ABCC10: variants seen among roughly 807,000 people sequenced by gnomAD.
The protein encoded by ABCC10 is ATP binding cassette subfamily C member 10, also known as ATP-binding cassette sub-family C member 10.
ABCC10 carries 110 observed loss-of-function variants against 143.2 expected under a neutral mutation model. The observed-to-expected ratio is 0.77, with a 90% CI of 0.66 to 0.90. The LOEUF (loss-of-function observed/expected upper bound fraction) is 0.90. Ranked by LOEUF, ABCC10 falls within the 40% of genes least tolerant of loss-of-function variation. The pLI is 0.00. For synonymous variants in ABCC10, 805 were observed against 846.7 expected (o/e 0.95, Z 0.85); for missense variants, 1,700 against 1,900.5 (o/e 0.89, Z 1.96).
At chr6:43,431,606 C>G (rs1030731827) in intron 2 of ABCC10, 2 of 171,196 alleles carry the variant, frequency 1.2e-5, no homozygotes, top group African/African-American at 4.8e-5. Flanking sequence ...AGGCGATCCT[C>G]CCGTCTCAGC....
intron 6 of ABCC10, among the ~76,000 whole-genome samples, chr6:43,437,379 CT>C (rs61260609): frequency 0.88 from 119,077 of 135,486 alleles, 52,138 homozygotes; most frequent in East Asian, 0.95. Context: ...GGAACTAGGA[CT>C]TTTTTTTTTT....
In ABCC10 at chr6:43,432,163, C is replaced by T. The variant is rs749514786; in HGVS notation, c.183C>T (p.Pro61=). The change falls in exon 3 of 22, where the codon CCC becomes CCT. Residue 61 remains proline (P), a synonymous_variant. Transcript: ENST00000372530. ...CCAGGAGTCCAGATTACATCCTACCCTGCAGTCCTGGATGGCGCCTCCGAC... is the reference window on the plus strand; with the variant it reads ...CCAGGAGTCCAGATTACATCCTACCTTGCAGTCCTGGATGGCGCCTCCGAC... The part of the protein sequence containing the change: ...GTPRSPDYIL[P]CSPGWRLRLA... 1 of 1,614,228 alleles carries T rather than the reference C, an allele frequency of 6.2e-7. No individual in the cohort carries two copies. The highest frequency in any genetic ancestry group is 8.5e-7 in the Non-Finnish European group (1 of 1,180,036).
rs756035589 is a variant in ABCC10 at position 43,442,953 on chromosome 6, C to A, written c.2227-17C>A. 4 of 1,553,750 alleles carry A rather than the reference C, an allele frequency of 2.6e-6. No homozygotes were observed. Among genetic ancestry groups the A allele is most frequent in the Non-Finnish European group, 3.5e-6 (4 of 1,149,922 alleles). On this transcript the variant is annotated splice_polypyrimidine_tract_variant and intron_variant, in intron 9 of 21. Transcript: ENST00000372530. ...CCTTTGGGTCCTGGTGCCCACGGTA[C>A]CCTCACGTCTCCATAGGAAAAGGAG...
Position 43,433,263 on chromosome 6 carries a change from T to C in ABCC10, c.1283T>C (p.Ile428Thr). The C allele has an allele frequency of 6.2e-7, 1 of 1,614,184 alleles. No homozygotes were observed. Among genetic ancestry groups the C allele is most frequent in the Admixed American group, 1.7e-5 (1 of 60,034 alleles). Residue 428 changes from isoleucine to threonine, a missense_variant, in exon 3 of 22, where the codon ATC (isoleucine) becomes ACC (threonine). Transcript: ENST00000372530. ...GGCGTGGCCTTCGTGGGTGGTCTCA[T>C]CTTGGCACTGCTGCTGGTACCCGTC... ...QVGVAFVGGL[I>T]LALLLVPVNK...
At chr6:43,439,742 C>T (rs1233069442) in intron 8 of ABCC10, among the ~76,000 whole-genome samples, 1 of 152,010 alleles carries the variant, frequency 6.6e-6, no homozygotes, top group Non-Finnish European at 1.5e-5. Context: ...TGCCACCATG[C>T]CCAGCTAATT....
At chr6:43,448,752 C>G (rs1357779496) in intron 18 of ABCC10, 129 bp from the exon 19 acceptor site, 2 of 1,143,060 alleles carry the variant, frequency 1.7e-6, no homozygotes, top group African/African-American at 3.1e-5. Context: ...GGGTGGGGAG[C>G]AGAGTGGGGT....
chr6:43,446,401 G>T lies in ABCC10; in HGVS notation c.3499G>T (p.Ala1167Ser). 11 of 1,612,672 alleles carry T rather than the reference G, an allele frequency of 6.8e-6. No homozygotes were observed. The highest frequency in any genetic ancestry group is 9.3e-6 in the Non-Finnish European group (11 of 1,179,860). Reference sequence around the variant, plus strand: ...GGGGGCGGCAGTGGTCAGCGCTATCGCAGGCATCGCTCTGGTGCAGCACCA... The same window carrying T: ...GGGGGCGGCAGTGGTCAGCGCTATCTCAGGCATCGCTCTGGTGCAGCACCA... ...LMGAAVVSAI[A>S]GIALVQHQQG... Residue 1167 changes from alanine to serine, a missense_variant, in exon 16 of 22, where the codon GCA becomes TCA. Ala to Ser is a moderately conservative substitution (Grantham distance 99, BLOSUM62 1). Transcript: ENST00000372530.
chr6:43,446,222 C>T, intron 15 of ABCC10, 55 bp from the exon 16 acceptor site: 1 of 1,575,042 alleles, frequency 6.3e-7, no homozygotes, highest in South Asian at 1.2e-5. Flanking sequence ...GGCCCTGAGG[C>T]TGGGTGGCTC....
At chr6:43,437,686 T>A (rs1027845296) in intron 6 of ABCC10, among the ~76,000 whole-genome samples, 1 of 152,090 alleles carries the variant, frequency 6.6e-6, no homozygotes, top group African/African-American at 2.4e-5. Flanking sequence ...CTGCTCCCCT[T>A]CAGAGGCCCT....
In ABCC10 at chr6:43,443,278, C is replaced by T. The variant is rs1237299311; in HGVS notation, c.2416+119C>T. ...CCCTGAGCCAGTCATTGCTGCCTCC[C>T]GCCTTCACAGAACTGGTGTGAGGAA... On this transcript the variant is annotated intron_variant, in intron 10 of 21. Transcript: ENST00000372530. This position sits in a 1 kb window ranked among gnomAD's most constrained non-coding sequence, Gnocchi z 4.2. 9.4e-6 allele frequency: 10 copies of T among 1,061,114 alleles called. No homozygotes were observed. Among genetic ancestry groups the T allele is most frequent in the Non-Finnish European group, 1.3e-5 (10 of 770,626 alleles). The allele number at this position is 1,061,114 out of a possible 1,614,324, so 65.7% of individuals were successfully genotyped here.
intron 17 of ABCC10, 35 bp downstream of exon 17, chr6:43,447,443 G>A: frequency 6.2e-7 from 1 of 1,604,460 alleles, no homozygotes; most frequent in Non-Finnish European, 8.5e-7. Flanking sequence ...CCAAAGCTCT[G>A]GAACCCTGAA....
intron 7 of ABCC10, 70 bp downstream of exon 7, chr6:43,438,083 T>A: frequency 2.0e-6 from 3 of 1,512,350 alleles, no homozygotes; most frequent in Non-Finnish European, 2.7e-6. Context: ...TCTTATGTGT[T>A]GGACACCTTT....
chr6:43,444,876 C>T lies in ABCC10; in HGVS notation c.2778C>T (p.Thr926=), dbSNP rs1465230036. 6.2e-7 allele frequency: 1 copy of T among 1,614,064 alleles called. No individual in the cohort carries two copies. The highest frequency in any genetic ancestry group is 8.5e-7 in the Non-Finnish European group (1 of 1,179,946). The change falls in exon 13 of 22, where the codon ACC becomes ACT. Residue 926 remains threonine (T), a synonymous_variant. Coordinates refer to ENST00000372530, the MANE Select transcript of ABCC10 (RefSeq NM_001198934.2). ...ENSSQEAQPS[T]SPASMGLFSP... ...GCTCCCAGGAGGCGCAACCCTCCAC[C>T]AGCCCAGCTTCTATGGGGCTCTTCT...
At position 43,444,193 on chromosome 6, in the gene ABCC10, A is replaced by G. The variant is rs1782777883; in HGVS notation, c.2529A>G (p.Thr843=). Residue 843 remains threonine (T), a synonymous_variant, in exon 12 of 22, where the codon ACA becomes ACG. Coordinates refer to ENST00000372530, the MANE Select transcript of ABCC10 (RefSeq NM_001198934.2). ...AGTCAGTACAGAACCCAGAGAAAAC[A>G]AAGGAGGGGCTGGAGGAGGAGCAGA... The part of the protein sequence containing the change: ...TAQSVQNPEK[T]KEGLEEEQST... 2 of 1,613,950 alleles carry G rather than the reference A, an allele frequency of 1.2e-6. No individual in the cohort carries two copies. The highest frequency in any genetic ancestry group is 1.7e-6 in the Non-Finnish European group (2 of 1,179,930).
chr6:43,447,586 A>G (rs1783241851), intron 17 of ABCC10, 98 bp from the exon 18 acceptor site: 1 of 1,570,496 alleles, frequency 6.4e-7, no homozygotes, highest in South Asian at 1.2e-5. Context: ...CATTCCTCTC[A>G]CACTGTCCAT....
intron 2 of ABCC10, among the ~76,000 whole-genome samples, chr6:43,430,043 G>T (rs1780960255): frequency 6.6e-6 from 1 of 152,162 alleles, no homozygotes; most frequent in East Asian, 1.9e-4. Context: ...GCCTCCTAAA[G>T]TTCTGGGTTT....
At chr6:43,436,351 A>G (rs1228842068) in intron 6 of ABCC10, 104 bp downstream of exon 6, 2 of 1,390,754 alleles carry the variant, frequency 1.4e-6, no homozygotes, top group Non-Finnish European at 2.0e-6. Flanking sequence ...ATGGCTCTGC[A>G]GCTCTAATTG....
At chr6:43,430,893 T>G (rs1396490902) in intron 2 of ABCC10, 1 of 151,956 alleles carries the variant, frequency 6.6e-6, no homozygotes, top group African/African-American at 2.4e-5. Flanking sequence ...CCTGCTAATT[T>G]TTGTATTTTT....
intron 8 of ABCC10, 90 bp downstream of exon 8, chr6:43,438,885 G>C: frequency 1.3e-6 from 2 of 1,497,746 alleles, no homozygotes; most frequent in Non-Finnish European, 1.8e-6. Flanking sequence ...CTGGAAAGGG[G>C]TTGCTTCTAC....
Sources: allele counts gnomAD v4.1 joint callset (sites outside exome capture counted in the v4.1 genomes callset), GRCh38; gene constraint gnomAD v4.1.1; non-coding constraint Gnocchi (gnomAD v3.1); transcripts MANE v1.5; gene names NCBI Gene and HGNC (gene_info 2026-07-23, HGNC 2026-07-21).